Variants in RAB3GAP2 observed in about 807,000 individuals in gnomAD.
RAB3GAP2 encodes the protein RAB3 GTPase activating non-catalytic protein subunit 2.
Under a neutral mutation model 185.3 loss-of-function variants are expected in RAB3GAP2, and 87 were observed. The ratio of observed to expected loss-of-function variants is 0.47; its 90% CI spans 0.39 to 0.56. RAB3GAP2 has a LOEUF of 0.56. Ranked by LOEUF, RAB3GAP2 falls within the 20% of genes least tolerant of loss-of-function variation. The probability of loss-of-function intolerance (pLI) is 0.00; values close to 1 mark genes in which losing one functional copy is unlikely to be tolerated. For missense variants in RAB3GAP2, 1,492 were observed against 1,638.2 expected, an observed-to-expected ratio of 0.91 and a Z score of 1.54; for synonymous variants, 554 against 576.1, an observed-to-expected ratio of 0.96 and a Z score of 0.55.
intron 1 of RAB3GAP2, among the ~76,000 whole-genome samples, chr1:220,242,877 A>G (rs1294449764): frequency 6.6e-6 from 1 of 152,226 alleles, no homozygotes; most frequent in Non-Finnish European, 1.5e-5. Context: ...GACATAATCA[A>G]ATGCCTACAT....
At chr1:220,235,794 G>C (rs1464504819) in intron 1 of RAB3GAP2, among the ~76,000 whole-genome samples, 1 of 152,136 alleles carries the variant, frequency 6.6e-6, no homozygotes, top group African/African-American at 2.4e-5. Flanking sequence ...CCCCTGCAGA[G>C]ACCCAGTATC....
chr1:220,163,637 C>G (rs938958874), intron 27 of RAB3GAP2, among the ~76,000 whole-genome samples: 2 of 150,866 alleles, frequency 1.3e-5, no homozygotes, highest in African/African-American at 4.9e-5. Context: ...GTTGGGATTA[C>G]AGGTGTGAGC....
chr1:220,188,723 G>A (rs1475865097), intron 17 of RAB3GAP2, among the ~76,000 whole-genome samples: 1 of 152,190 alleles, frequency 6.6e-6, no homozygotes, highest in Non-Finnish European at 1.5e-5. Flanking sequence ...ATATGTGAAT[G>A]AGGAAATATG....
intron 27 of RAB3GAP2, among the ~76,000 whole-genome samples, chr1:220,164,473 G>GTTTT (rs35024056): frequency 1.6e-3 from 165 of 105,602 alleles, no homozygotes; most frequent in African/African-American, 5.0e-3. Flanking sequence ...TTTTTGTTTT[G>GTTTT]TTTTTTTTTT....
At chr1:220,226,296 T>C (rs1659401018) in intron 2 of RAB3GAP2, among the ~76,000 whole-genome samples, 1 of 152,172 alleles carries the variant, frequency 6.6e-6, no homozygotes, top group African/African-American at 2.4e-5. Context: ...TGAAATTAAA[T>C]TAAGCCTTTC....
intron 9 of RAB3GAP2, among the ~76,000 whole-genome samples, chr1:220,199,431 A>G (rs1453397345): frequency 6.6e-6 from 1 of 152,194 alleles, no homozygotes; most frequent in Non-Finnish European, 1.5e-5. Context: ...TTCTACTGTA[A>G]CTTTCATATC....
chr1:220,172,435 T>C (rs1422415249), intron 22 of RAB3GAP2, among the ~76,000 whole-genome samples: 1 of 152,216 alleles, frequency 6.6e-6, no homozygotes, highest in Non-Finnish European at 1.5e-5. Context: ...TTTTTTATGA[T>C]GATACAAAAT....
chr1:220,208,862 G>A (rs868263612), intron 7 of RAB3GAP2, among the ~76,000 whole-genome samples: 4 of 152,134 alleles, frequency 2.6e-5, no homozygotes, highest in African/African-American at 4.8e-5. Flanking sequence ...GACTACAGGC[G>A]CATGCCGCCA....
chr1:220,190,102 T>C lies in RAB3GAP2; in HGVS notation c.1676A>G (p.Lys559Arg). Reference sequence around the variant, plus strand: ...TTTTGTTTTCAGTAAGGCTGCTAGTTTCTTCACTAGGTGCATATCCTTGGC... The same window carrying C: ...TTTTGTTTTCAGTAAGGCTGCTAGTCTCTTCACTAGGTGCATATCCTTGGC... ...ERAKDMHLVK[K>R]LAALLKTKSP... is the part of the protein sequence containing the mutation. The change falls in exon 16 of 35, where the codon AAA becomes AGA. Residue 559 changes from lysine to arginine, a missense_variant. Transcript: ENST00000358951. 1 of 1,613,634 alleles carries C rather than the reference T, an allele frequency of 6.2e-7. No homozygotes were observed. Among genetic ancestry groups the C allele is most frequent in the Non-Finnish European group, 8.5e-7 (1 of 1,179,626 alleles).
intron 1 of RAB3GAP2, among the ~76,000 whole-genome samples, chr1:220,269,659 T>C (rs1571939716): frequency 6.6e-6 from 1 of 151,954 alleles, no homozygotes; most frequent in Non-Finnish European, 1.5e-5. Flanking sequence ...GAGGTGGAGG[T>C]TGTAGTAAGC....
In RAB3GAP2 at chr1:220,153,361, C is replaced by G. The variant is rs1402786317; in HGVS notation, c.3691G>C (p.Ala1231Pro). 1 of 1,614,168 alleles carries G rather than the reference C, an allele frequency of 6.2e-7. No individual in the cohort carries two copies. Among genetic ancestry groups the G allele is most frequent in the East Asian group, 2.2e-5 (1 of 44,878 alleles). ...TCTGTGGGATCTTTGACCTTTGTGG[C>G]TGAATGTTGGGCCTGGACAGCTGCA... is the stretch of plus-strand genomic sequence containing the variant. ...VSAAVQAQHS[A>P]TKVKDPTEEA... Residue 1231 changes from alanine to proline, a missense_variant, in exon 33 of 35, where the codon GCC (alanine) becomes CCC (proline). Physicochemically the swap from Ala to Pro is conservative, Grantham distance 27 (BLOSUM62 -1). Transcript: ENST00000358951.
chr1:220,159,255 T>C, intron 29 of RAB3GAP2, 131 bp downstream of exon 29: 1 of 773,766 alleles, frequency 1.3e-6, no homozygotes. Flanking sequence ...TATTCTCTTT[T>C]CATTTTTCTT....
intron 1 of RAB3GAP2, among the ~76,000 whole-genome samples, chr1:220,239,604 A>C (rs906747145): frequency 8.5e-5 from 13 of 152,194 alleles, no homozygotes; most frequent in African/African-American, 3.1e-4. Flanking sequence ...AATTAGTGAG[A>C]AAAAATAATT....
chr1:220,269,419 G>C (rs1167143342), intron 1 of RAB3GAP2, among the ~76,000 whole-genome samples: 1 of 152,200 alleles, frequency 6.6e-6, no homozygotes, highest in African/African-American at 2.4e-5. Flanking sequence ...AAACCATTGA[G>C]TGTTATTAAA....
At chr1:220,181,013 C>T (rs769276014) in intron 21 of RAB3GAP2, among the ~76,000 whole-genome samples, 6 of 152,090 alleles carry the variant, frequency 3.9e-5, no homozygotes, top group Admixed American at 6.5e-5. Context: ...ATTCCCTCAA[C>T]GGTACAGTTT....
chr1:220,196,322 AT>A lies in RAB3GAP2; in HGVS notation c.887del (p.Asn296IlefsTer12). 6.2e-7 allele frequency: 1 copy of A among 1,610,258 alleles called. No individual in the cohort carries two copies. Among genetic ancestry groups the A allele is most frequent in the Non-Finnish European group, 8.5e-7 (1 of 1,176,672 alleles). ...TATACTGAGACATGGCAGGTGGACT[AT>A]TTTTAATTGCTGCATTAAATCCACC... The part of the protein sequence containing the change: ...NIGGFNAAIK[N>X]SPPAMSQYIT... On this transcript the variant is annotated frameshift_variant, in exon 10 of 35. Coordinates refer to ENST00000358951, the MANE Select transcript of RAB3GAP2 (RefSeq NM_012414.4). LOFTEE classifies it high-confidence loss of function.
chr1:220,176,766 C>T (rs967682498), intron 21 of RAB3GAP2, among the ~76,000 whole-genome samples: 1 of 152,130 alleles, frequency 6.6e-6, no homozygotes, highest in Admixed American at 6.5e-5. Flanking sequence ...CCCTCAGGGC[C>T]CCCTCACTGC....
chr1:220,189,656 T>C (rs1658575224), intron 17 of RAB3GAP2, 47 bp downstream of exon 17: 3 of 1,498,854 alleles, frequency 2.0e-6, no homozygotes, highest in Non-Finnish European at 2.7e-6. Flanking sequence ...TTAAGAAGGA[T>C]GTATTATAGC....
At chr1:220,216,107 C>T (rs1659197035) in intron 2 of RAB3GAP2, among the ~76,000 whole-genome samples, 1 of 151,978 alleles carries the variant, frequency 6.6e-6, no homozygotes. Flanking sequence ...CCAAAATGAG[C>T]CTGAAACCTC....
Sources: gnomAD v4.1 joint callset for allele counts (sites outside exome capture counted in the v4.1 genomes callset) on GRCh38, gnomAD v4.1.1 for gene constraint, MANE v1.5 for transcripts, NCBI Gene and HGNC (gene_info 2026-07-23, HGNC 2026-07-21) for gene names.